The following DHX33 variants were observed in gnomAD, a reference collection of about 807,000 sequenced individuals.
DHX33 encodes DEAH-box helicase 33.
A neutral mutation model predicts 72.5 loss-of-function variants in DHX33; 42 were observed. The ratio of observed to expected loss-of-function variants is 0.58; its 90% confidence interval spans 0.45 to 0.75. The LOEUF (loss-of-function observed/expected upper bound fraction) is 0.75. Ranked by LOEUF, DHX33 falls within the 30% of genes least tolerant of loss-of-function variation. The probability of loss-of-function intolerance (pLI) is 0.00; values close to 1 mark genes in which losing one functional copy is unlikely to be tolerated. For missense variants in DHX33, 842 were observed against 917.5 expected (o/e 0.92, Z 1.06); for synonymous variants, 358 against 366.1 (o/e 0.98, Z 0.25).
intron 4 of DHX33, 66 bp downstream of exon 4, chr17:5,460,873 C>T: frequency 6.5e-7 from 1 of 1,528,454 alleles, no homozygotes; most frequent in Non-Finnish European, 8.9e-7. Context: ...TTTCAAGGCT[C>T]AATGTTCTCA....
rs931569448 is a variant in DHX33 at position 5,441,523 on chromosome 17, T to G, written c.*2682A>C. The G allele has an allele frequency of 6.6e-6, 1 of 152,188 alleles. No homozygotes were observed. Among genetic ancestry groups the G allele is most frequent in the African/African-American group, 2.4e-5 (1 of 41,432 alleles). The allele number at this position is 152,188 out of a possible 1,614,324, so 9.4% of individuals were successfully genotyped here. On this transcript the variant is annotated 3_prime_UTR_variant, in exon 12 of 12. Transcript: ENST00000225296. Reference sequence around the variant, plus strand: ...CCAATGGAAAGAGAGTAGCTGAAGATTATATTGCAATGTTATTGTGAAACA... The same window carrying G: ...CCAATGGAAAGAGAGTAGCTGAAGAGTATATTGCAATGTTATTGTGAAACA...
chr17:5,446,893 A>T (rs1916676197), intron 11 of DHX33, among the ~76,000 whole-genome samples: 1 of 152,178 alleles, frequency 6.6e-6, no homozygotes, highest in Non-Finnish European at 1.5e-5. Context: ...AAAGCAGTTT[A>T]AAAAAATGTG....
rs773171121 is a variant in DHX33, at chr17:5,462,535, T to C, written c.462A>G (p.Thr154=). ...RTELGKLVGY[T]VRFDDVTSED... ...CTGAGGTGACATCATCAAAGCGCAC[T>C]GTATAGCCAACCTGTGCAGGGAAAC... Residue 154 remains threonine, a synonymous_variant, in exon 3 of 12, where the codon ACA becomes ACG. Coordinates refer to ENST00000225296, the MANE Select transcript of DHX33 (RefSeq NM_020162.4). 9.9e-6 allele frequency: 16 copies of C among 1,613,498 alleles called. No individual in the cohort carries two copies. Among genetic ancestry groups the C allele is most frequent in the Non-Finnish European group, 1.4e-5 (16 of 1,179,470 alleles).
At chr17:5,457,840 G>A (rs2151688909) in intron 4 of DHX33, among the ~76,000 whole-genome samples, 1 of 152,228 alleles carries the variant, frequency 6.6e-6, no homozygotes, top group East Asian at 1.9e-4. Flanking sequence ...TAATGCACCA[G>A]CAGCCATCAT....
At chr17:5,452,601 C>T (rs766358873) in intron 8 of DHX33, among the ~76,000 whole-genome samples, 3 of 151,914 alleles carry the variant, frequency 2.0e-5, no homozygotes, top group Non-Finnish European at 4.4e-5. Context: ...ACCTGTAGTC[C>T]CAGCTACTTG....
At position 5,450,379 on chromosome 17, in the gene DHX33, A is replaced by G; in HGVS notation, c.1552T>C (p.Cys518Arg). ...KTILMSPKFH[C>R]TEEILTIVSL... ...ACAATGGTCAGGATCTCCTCTGTAC[A>G]GTGGAATTTGGGGGACATGAGGATG... Residue 518 changes from cysteine to arginine, a missense_variant, in exon 10 of 12, where the codon TGT (cysteine) becomes CGT (arginine). Coordinates refer to ENST00000225296, the MANE Select transcript of DHX33 (RefSeq NM_020162.4). The G allele has an allele frequency of 6.2e-7, 1 of 1,613,900 alleles. No individual in the cohort carries two copies. Among genetic ancestry groups the G allele is most frequent in the Non-Finnish European group, 8.5e-7 (1 of 1,179,828 alleles).
At chr17:5,451,935 C>G (rs1309833754) in intron 8 of DHX33, among the ~76,000 whole-genome samples, 2 of 152,174 alleles carry the variant, frequency 1.3e-5, no homozygotes, top group Non-Finnish European at 2.9e-5. Context: ...ACCGCTTACT[C>G]AAGAATAACT....
At chr17:5,454,300 G>A (rs973325965) in intron 6 of DHX33, among the ~76,000 whole-genome samples, 2 of 152,148 alleles carry the variant, frequency 1.3e-5, no homozygotes, top group African/African-American at 4.8e-5. Flanking sequence ...GTTTGCTTGG[G>A]ACAGAGGGTT....
chr17:5,454,870 G>A (rs927394359), intron 6 of DHX33, among the ~76,000 whole-genome samples: 1 of 152,088 alleles, frequency 6.6e-6, no homozygotes, highest in Non-Finnish European at 1.5e-5. Flanking sequence ...GCTGTCCCTG[G>A]CCTTAGAGCC....
chr17:5,462,405 C>G lies in DHX33; in HGVS notation c.592G>C (p.Glu198Gln), dbSNP rs765441148. ...AGCACATCTGTGTGGATAGTCCGTT[C>G]GTGAGCTTCATCCAAAATGACACAG... ...YSCVILDEAH[E>Q]RTIHTDVLFG... Residue 198 changes from glutamate to glutamine, a missense_variant, in exon 3 of 12, where the codon GAA becomes CAA. Physicochemically the swap from Glu to Gln is conservative, Grantham distance 29. Transcript: ENST00000225296. The G allele has an allele frequency of 6.2e-7, 1 of 1,614,188 alleles. No individual in the cohort carries two copies. Among genetic ancestry groups the G allele is most frequent in the Non-Finnish European group, 8.5e-7 (1 of 1,180,034 alleles).
intron 1 of DHX33, among the ~76,000 whole-genome samples, chr17:5,464,159 G>A (rs564591477): frequency 1.8e-4 from 28 of 152,190 alleles, no homozygotes; most frequent in African/African-American, 6.3e-4. Context: ...GGGAGATGCC[G>A]TCTCTACAAA....
At chr17:5,463,774 A>G in intron 1 of DHX33, 85 bp from the exon 2 acceptor site, 1 of 1,364,964 alleles carries the variant, frequency 7.3e-7, no homozygotes, top group Non-Finnish European at 9.7e-7. Context: ...TAATCTCAGC[A>G]CTTTGGGAGG....
chr17:5,453,164 C>T lies in DHX33; in HGVS notation c.1396+416G>A, dbSNP rs545867540. ...ACATTTCTGTAGTATCCCAAGGACT[C>T]GCATGATGACCTTCACTGGTTCCAG... On this transcript the variant is annotated intron_variant, in intron 8 of 11. Transcript: ENST00000225296. Among the ~76,000 whole-genome samples, 4 of 152,328 alleles carry T rather than the reference C, an allele frequency of 2.6e-5. No homozygotes were observed. In the South Asian group the frequency reaches 8.3e-4, roughly 32 times the overall value.
Position 5,450,187 on chromosome 17 carries a change from G to C in DHX33, c.1728+16C>G. 1 of 1,613,926 alleles carries C rather than the reference G, an allele frequency of 6.2e-7. No homozygotes were observed. The highest frequency in any genetic ancestry group is 2.2e-5 in the East Asian group (1 of 44,892). On this transcript the variant is annotated intron_variant, in intron 10 of 11. Coordinates refer to ENST00000225296, the MANE Select transcript of DHX33 (RefSeq NM_020162.4). ...AAGCAGCTATCGCTGGAGAACAGGT[G>C]CAAGACAAGGCTCACCTTATTTCCG...
At position 5,444,695 on chromosome 17, in the gene DHX33, C is replaced by T. The variant is rs1916577378; in HGVS notation, c.1816-182G>A. On this transcript the variant is annotated intron_variant, in intron 11 of 11. Transcript: ENST00000225296. This position sits in a 1 kb window ranked among gnomAD's most constrained non-coding sequence, Gnocchi z 4.9. ...GATCAGCAAGGTCAGGGGAAGAAGG[C>T]CCAGCTGGAGGAGCACGGACCAGAA... is the stretch of plus-strand genomic sequence containing the variant. Among the ~76,000 whole-genome samples, 1 of 152,148 alleles carries T rather than the reference C, an allele frequency of 6.6e-6. No individual in the cohort carries two copies. Among genetic ancestry groups the T allele is most frequent in the Admixed American group, 6.5e-5 (1 of 15,276 alleles).
At position 5,468,918 on chromosome 17, in the gene DHX33, T is replaced by C; in HGVS notation, c.-59A>G. 1.3e-6 allele frequency: 2 copies of C among 1,538,292 alleles called. No individual in the cohort carries two copies. The highest frequency in any genetic ancestry group is 2.0e-5 in the Admixed American group (1 of 50,826). On this transcript the variant is annotated 5_prime_UTR_variant, in exon 1 of 12. Coordinates refer to ENST00000225296, the MANE Select transcript of DHX33 (RefSeq NM_020162.4). The stretch of plus-strand genomic sequence containing the variant: ...CCGAGAGCTCCTGCCCCCTCTCAGG[T>C]GCAGACAACAGGAGCACACCGCCCC...
rs1206572269 is a variant in DHX33, at chr17:5,455,341, T to G, written c.1036-70A>C. 2.3e-6 allele frequency: 3 copies of G among 1,279,424 alleles called. No individual in the cohort carries two copies. The African/African-American group carries it at 4.4e-5, about 19-fold the overall frequency. The allele number at this position is 1,279,424 out of a possible 1,614,324, so 79.3% of individuals were successfully genotyped here. The stretch of plus-strand genomic sequence containing the variant: ...GATTCAGAAGTCTTCAAACATATTC[T>G]CACCATTAACTTCCACAATTCACTC... On this transcript the variant is annotated intron_variant, in intron 5 of 11. Coordinates refer to ENST00000225296, the MANE Select transcript of DHX33 (RefSeq NM_020162.4).
At chr17:5,463,388 TG>T in intron 2 of DHX33, 140 bp downstream of exon 2, 1 of 863,480 alleles carries the variant, frequency 1.2e-6, no homozygotes, top group Non-Finnish European at 1.8e-6. Context: ...TCTCAGGAGC[TG>T]GTAAAGAACT....
chr17:5,465,029 C>T (rs922966934), intron 1 of DHX33, among the ~76,000 whole-genome samples: 1 of 152,244 alleles, frequency 6.6e-6, no homozygotes, highest in Non-Finnish European at 1.5e-5. Context: ...TCCTCCAACA[C>T]CAGAAGGGAA....
Sources: gnomAD v4.1 joint callset for allele counts (sites outside exome capture counted in the v4.1 genomes callset) on GRCh38, gnomAD v4.1.1 for gene constraint, Gnocchi (gnomAD v3.1) non-coding constraint, MANE v1.5 for transcripts, NCBI Gene and HGNC (gene_info 2026-07-23, HGNC 2026-07-21) for gene names.